DET1: variants seen among roughly 807,000 people sequenced by gnomAD.
DET1 encodes DET1 partner of COP1 E3 ubiquitin ligase.
Under a neutral mutation model 43.7 loss-of-function variants are expected in DET1, and 22 were observed. The observed-to-expected ratio is 0.50, with a 90% CI of 0.36 to 0.72. The LOEUF (loss-of-function observed/expected upper bound fraction) is 0.72. DET1 is among the 30% of genes least tolerant of loss of function. DET1 has a pLI of 0.00. For missense variants in DET1, 713 were observed against 713.3 expected, an observed-to-expected ratio of 1.00 and a Z score of 0.00; for synonymous variants, 315 against 266.2, an observed-to-expected ratio of 1.18 and a Z score of -1.79.
chr15:88,505,078 C>G (rs2056126280), intron 7 of DET1: 1 of 152,202 alleles, frequency 6.6e-6, no homozygotes, highest in South Asian at 2.1e-4. Flanking sequence ...GACTTAACCT[C>G]TAGTTTCACT....
intron 1 of DET1, among the ~76,000 whole-genome samples, chr15:88,538,498 T>A (rs986268439): frequency 3.3e-5 from 5 of 151,768 alleles, no homozygotes; most frequent in African/African-American, 1.2e-4. Context: ...CTCCCCTTCC[T>A]AAACCAAGGT....
chr15:88,527,247 A>G (rs2056687547), intron 3 of DET1, among the ~76,000 whole-genome samples: 1 of 152,214 alleles, frequency 6.6e-6, no homozygotes, highest in Non-Finnish European at 1.5e-5. Flanking sequence ...AAAGATAAAT[A>G]CATGTGTTCA....
rs1454376295 is a variant in DET1 at position 88,531,067 on chromosome 15, C to T, written c.639G>A (p.Lys213=). 6 of 1,613,880 alleles carry T rather than the reference C, an allele frequency of 3.7e-6. No individual in the cohort carries two copies. In the South Asian group the frequency reaches 4.4e-5, roughly 12 times the overall value. Residue 213 remains lysine, a synonymous_variant, in exon 2 of 5, where the codon AAG becomes AAA. Transcript: ENST00000268148. The surrounding 1 kb of genome is among the most constrained non-coding windows in gnomAD (Gnocchi z 6.2). ...GCCCTTGGTTGTGTGACAAGACCACCTTGTCACACTTGAACGTGCGTGTAT... is the reference window on the plus strand; with the variant it reads ...GCCCTTGGTTGTGTGACAAGACCACTTTGTCACACTTGAACGTGCGTGTAT... The part of the protein sequence containing the change: ...LCDTRTFKCD[K]VVLSHNQGLY...
chr15:88,528,764 A>C (rs73450156), intron 2 of DET1, among the ~76,000 whole-genome samples: 7 of 152,302 alleles, frequency 4.6e-5, no homozygotes, highest in African/African-American at 1.7e-4. Flanking sequence ...ATTGAGTTTA[A>C]ATCTCCATTA....
Position 88,516,765 on chromosome 15 carries a change from T to C in DET1, c.1463+17A>G, listed in dbSNP as rs1339823811. On this transcript the variant is annotated intron_variant, in intron 4 of 4. Transcript: ENST00000268148. The surrounding 1 kb of genome is among the most constrained non-coding windows in gnomAD (Gnocchi z 4.4). ...TCAGCCCTTGAGCAGTTTGTAGCTATAGCAGTGACACTGTACCTGATTGGG... is the reference window on the plus strand; with the variant it reads ...TCAGCCCTTGAGCAGTTTGTAGCTACAGCAGTGACACTGTACCTGATTGGG... 1 of 1,534,208 alleles carries C rather than the reference T, an allele frequency of 6.5e-7. No homozygotes were observed. Among genetic ancestry groups the C allele is most frequent in the Non-Finnish European group, 8.7e-7 (1 of 1,146,086 alleles).
chr15:88,502,499 G>C (rs1229597265), intron 8 of DET1: 1 of 152,152 alleles, frequency 6.6e-6, no homozygotes, highest in African/African-American at 2.4e-5. Flanking sequence ...GAACAGGCTG[G>C]GCCAGGAAGA....
intron 1 of DET1, among the ~76,000 whole-genome samples, chr15:88,532,236 G>A (rs904950931): frequency 3.3e-5 from 5 of 152,120 alleles, no homozygotes; most frequent in East Asian, 1.9e-4. Flanking sequence ...TTGGATCATC[G>A]AAGCTGCAAT....
At chr15:88,521,749 T>G (rs2056495173) in intron 3 of DET1, among the ~76,000 whole-genome samples, 1 of 152,160 alleles carries the variant, frequency 6.6e-6, no homozygotes, top group South Asian at 2.1e-4. Context: ...ATTATTGATG[T>G]CTGATGTCAT....
At position 88,531,063 on chromosome 15, in the gene DET1, C is replaced by T; in HGVS notation, c.643G>A (p.Val215Ile). ...DTRTFKCDKV[V>I]LSHNQGLYLY... is the part of the protein sequence containing the mutation. ...TACAGCCCTTGGTTGTGTGACAAGA[C>T]CACCTTGTCACACTTGAACGTGCGT... The change falls in exon 2 of 5, where the codon GTC (valine) becomes ATC (isoleucine). Residue 215 changes from valine to isoleucine, a missense_variant. Coordinates refer to ENST00000268148, the MANE Select transcript of DET1 (RefSeq NM_001144074.3). The surrounding 1 kb of genome is among the most constrained non-coding windows in gnomAD (Gnocchi z 6.2). 5 of 1,613,800 alleles carry T rather than the reference C, an allele frequency of 3.1e-6. No individual in the cohort carries two copies. Among genetic ancestry groups the T allele is most frequent in the Middle Eastern group, 1.7e-4 (1 of 6,060 alleles).
chr15:88,508,487 A>G (rs1045312284), downstream of DET1, among the ~76,000 whole-genome samples: 3 of 152,238 alleles, frequency 2.0e-5, no homozygotes. Context: ...AACAAGGGGA[A>G]GCCAACAAAG....
chr15:88,541,821 G>A (rs552769325), intron 1 of DET1, among the ~76,000 whole-genome samples: 1 of 152,102 alleles, frequency 6.6e-6, no homozygotes, highest in Non-Finnish European at 1.5e-5. Flanking sequence ...TCGACCCTCA[G>A]CCAGTTCGGC....
downstream of DET1, among the ~76,000 whole-genome samples, chr15:88,510,706 C>T (rs1021241322): frequency 6.6e-6 from 1 of 151,978 alleles, no homozygotes; most frequent in African/African-American, 2.4e-5. Flanking sequence ...CTGGCCGTAA[C>T]TCCCTCGTAA....
chr15:88,510,747 T>G (rs1034334246), downstream of DET1, among the ~76,000 whole-genome samples: 4 of 151,662 alleles, frequency 2.6e-5, no homozygotes, highest in African/African-American at 9.7e-5. Context: ...TTTGTTTGGT[T>G]GTTGTTGTTT....
intron 4 of DET1, among the ~76,000 whole-genome samples, chr15:88,515,275 C>T (rs537513892): frequency 2.1e-4 from 32 of 152,138 alleles, no homozygotes; most frequent in African/African-American, 7.0e-4. Flanking sequence ...CACGGTGGCT[C>T]AAGCCTGTAA....
At chr15:88,511,996 G>A (rs1165305349), downstream of DET1, among the ~76,000 whole-genome samples, 1 of 152,184 alleles carries the variant, frequency 6.6e-6, no homozygotes, top group African/African-American at 2.4e-5. Flanking sequence ...TAAACAGGCT[G>A]GCAAGAGTTG....
At chr15:88,542,237 C>A (rs2057128134) in intron 1 of DET1, among the ~76,000 whole-genome samples, 1 of 152,108 alleles carries the variant, frequency 6.6e-6, no homozygotes, top group Non-Finnish European at 1.5e-5. Flanking sequence ...ACCGGTAGGC[C>A]TGAGGAGGAA....
chr15:88,527,682 A>C lies in DET1; in HGVS notation c.1188T>G (p.Leu396=), dbSNP rs1567065547. 6.2e-7 allele frequency: 1 copy of C among 1,613,938 alleles called. No individual in the cohort carries two copies. ...LLELFENFCD[L]FRNATLHSEV... is the part of the protein sequence containing the mutation. ...CACTGTGCAGGGTAGCATTACGAAA[A>C]AGGTCACAGAAGTTCTCAAAGAGCT... The change falls in exon 3 of 5, where the codon CTT becomes CTG. Residue 396 remains leucine (L), a synonymous_variant. Coordinates refer to ENST00000268148, the MANE Select transcript of DET1 (RefSeq NM_001144074.3).
rs368557263 is a variant in DET1 at position 88,513,133 on chromosome 15, C to T, written c.1471G>A (p.Ala491Thr). The T allele has an allele frequency of 2.5e-6, 4 of 1,609,092 alleles. No individual in the cohort carries two copies. In the African/African-American group the frequency reaches 5.3e-5, roughly 21 times the overall value. The stretch of plus-strand genomic sequence containing the variant: ...AACTTGAGCAGGCCCGAGTCCCGGG[C>T]ATAGAACCTAAAAAGAACAAGGACA... ...TCGDHPIRFYARDSGLLKFEI... is the reference protein window; with the variant it reads ...TCGDHPIRFYTRDSGLLKFEI... The change falls in exon 5 of 5, where the codon GCC becomes ACC. Residue 491 changes from alanine to threonine, a missense_variant. Coordinates refer to ENST00000268148, the MANE Select transcript of DET1 (RefSeq NM_001144074.3).
At chr15:88,527,080 A>G (rs976091210) in intron 3 of DET1, among the ~76,000 whole-genome samples, 1 of 152,132 alleles carries the variant, frequency 6.6e-6, no homozygotes, top group African/African-American at 2.4e-5. Context: ...CTGGCTTTTC[A>G]GCTTTTAAAA....
Sources: gnomAD v4.1 joint callset for allele counts (sites outside exome capture counted in the v4.1 genomes callset) on GRCh38, gnomAD v4.1.1 for gene constraint, Gnocchi (gnomAD v3.1) non-coding constraint, MANE v1.5 for transcripts, NCBI Gene and HGNC (gene_info 2026-07-23, HGNC 2026-07-21) for gene names.